Variants in MARK3 observed in about 807,000 individuals in gnomAD.
MARK3 encodes the protein MAP/microtubule affinity-regulating kinase 3.
MARK3 carries 46 observed loss-of-function variants against 90.1 expected under a neutral mutation model. The ratio of observed to expected loss-of-function variants is 0.51; its 90% CI spans 0.40 to 0.65. The LOEUF (loss-of-function observed/expected upper bound fraction) is 0.65. Among genes scored for constraint, MARK3 ranks in the 30% least tolerant of loss-of-function variants. MARK3 has a pLI of 0.00. For synonymous variants in MARK3, 321 were observed against 332.6 expected (o/e 0.97, Z 0.38); for missense variants, 818 against 947.2 (o/e 0.86, Z 1.79).
At chr14:103,493,475 G>A (rs2075130695) in intron 15 of MARK3, among the ~76,000 whole-genome samples, 1 of 151,960 alleles carries the variant, frequency 6.6e-6, no homozygotes, top group South Asian at 2.1e-4. Flanking sequence ...GGGCAAAACA[G>A]AATCAGCCAA....
chr14:103,413,402 A>T (rs986314421), intron 2 of MARK3, among the ~76,000 whole-genome samples: 1 of 149,964 alleles, frequency 6.7e-6, no homozygotes, highest in Non-Finnish European at 1.5e-5. Flanking sequence ...GTCGAAAATT[A>T]AGTTTATATT....
At chr14:103,427,497 C>CAAAAAAAAAAAAAAAAAAAAAAAAAAA (rs71126021) in intron 2 of MARK3, among the ~76,000 whole-genome samples, 2 of 110,816 alleles carry the variant, frequency 1.8e-5, no homozygotes, top group African/African-American at 6.6e-5. Context: ...GAGACTGTTT[C>CAAAAAAAAAAAAAAAAAAAAAAAAAAA]AAAAAAAAAA....
At chr14:103,464,289 CTTTTTTTTTT>C (rs143005949) in intron 7 of MARK3, among the ~76,000 whole-genome samples, 4 of 68,636 alleles carry the variant, frequency 5.8e-5, no homozygotes, top group South Asian at 7.6e-4. Flanking sequence ...TGATTTGTCT[CTTTTTTTTTT>C]TTTTTTTTTT....
chr14:103,466,372 A>AG lies in MARK3; in HGVS notation c.930dup (p.His311AlafsTer2). Reference sequence around the variant, plus strand: ...TCATGAAGGACAGGTGGATCAATGCAGGGCATGAAGAAGATGAACTCAAAC... The same window carrying AG: ...TCATGAAGGACAGGTGGATCAATGCAGGGGCATGAAGAAGATGAACTCAAAC... On this transcript the variant is annotated frameshift_variant, in exon 10 of 18. Coordinates refer to ENST00000429436, the MANE Select transcript of MARK3 (RefSeq NM_001128918.3). LOFTEE classifies it high-confidence loss of function. The AG allele has an allele frequency of 6.2e-7, 1 of 1,613,848 alleles. No homozygotes were observed. The highest frequency in any genetic ancestry group is 1.1e-5 in the South Asian group (1 of 91,074).
Position 103,503,553 on chromosome 14 carries a change from A to C in MARK3, c.*326A>C. The C allele has an allele frequency of 3.7e-6, 1 of 273,150 alleles. No individual in the cohort carries two copies. The highest frequency in any genetic ancestry group is 7.0e-6 in the Non-Finnish European group (1 of 142,904). The allele number at this position is 273,150 out of a possible 1,614,324, so 16.9% of individuals were successfully genotyped here. A position where few individuals can be genotyped will look rare whatever the true frequency, so the allele number is the denominator to read the frequency against. The stretch of plus-strand genomic sequence containing the variant: ...GTGGTGTATATGGAAGCATCTCCCT[A>C]CACTGGCAGCCAGTCATTACTAGTA... On this transcript the variant is annotated 3_prime_UTR_variant, in exon 18 of 18. Transcript: ENST00000429436.
rs1428739520 is a variant in MARK3 at position 103,502,922 on chromosome 14, G to A, written c.1957G>A (p.Ala653Thr). Residue 653 changes from alanine (A) to threonine (T), a missense_variant, in exon 18 of 18, where the codon GCA (alanine) becomes ACA (threonine). Ala to Thr is a moderately conservative substitution (Grantham distance 58). Transcript: ENST00000429436. The part of the protein sequence containing the change: ...SAEQKDENKE[A>T]KPRSLRFTWS... ...TGAGCAAAAAGATGAAAACAAAGAAGCAAAGCCTCGATCCCTACGCTTCAC... is the reference window on the plus strand; with the variant it reads ...TGAGCAAAAAGATGAAAACAAAGAAACAAAGCCTCGATCCCTACGCTTCAC... 2 of 1,613,722 alleles carry A rather than the reference G, an allele frequency of 1.2e-6. No homozygotes were observed. The highest frequency in any genetic ancestry group is 1.7e-5 in the Admixed American group (1 of 60,008).
chr14:103,467,238 GTT>G (rs2093524497), intron 11 of MARK3, 47 bp downstream of exon 11: 1 of 842,092 alleles, frequency 1.2e-6, no homozygotes, highest in Non-Finnish European at 1.9e-6. Context: ...GTAATTATTA[GTT>G]TATATAAACT....
Position 103,441,016 on chromosome 14 carries a change from A to T in MARK3, c.298-7903A>T, listed in dbSNP as rs189716132. Among the ~76,000 whole-genome samples, 664 of 150,378 alleles carry T rather than the reference A, an allele frequency of 4.4e-3. 3 individuals are homozygous for T. The highest frequency in any genetic ancestry group is 7.2e-3 in the Non-Finnish European group (489 of 67,706). On this transcript the variant is annotated intron_variant, in intron 3 of 17. Coordinates refer to ENST00000429436, the MANE Select transcript of MARK3 (RefSeq NM_001128918.3). ...TTCCTAATTACTGATGAGGTCATGC[A>T]TTTTTTCATATTTAGGTTTTTTGTT...
chr14:103,449,132 A>G (rs1263258441), intron 4 of MARK3, among the ~76,000 whole-genome samples, 165 bp downstream of exon 4: 1 of 151,996 alleles, frequency 6.6e-6, no homozygotes, highest in Non-Finnish European at 1.5e-5. Flanking sequence ...AAGACAGGTT[A>G]AAAGCTTAGG....
chr14:103,475,750 G>A (rs2093703301), intron 13 of MARK3, among the ~76,000 whole-genome samples: 1 of 152,048 alleles, frequency 6.6e-6, no homozygotes, highest in Admixed American at 6.6e-5. Context: ...TTCAAGACCA[G>A]CCTGGCCAAG....
intron 4 of MARK3, among the ~76,000 whole-genome samples, chr14:103,449,432 G>GTAA (rs967203233): frequency 6.9e-5 from 9 of 131,058 alleles, no homozygotes; most frequent in East Asian, 4.4e-4. Context: ...AAAAAAAAAA[G>GTAA]TAATAATAAT....
rs577993873 is a variant in MARK3 at position 103,500,318 on chromosome 14, G to C, written c.1916+118G>C. The C allele has an allele frequency of 4.4e-4, 330 of 755,214 alleles. 3 individuals carry two copies. The highest frequency in any genetic ancestry group is 2.7e-3 in the Middle Eastern group (7 of 2,630). The allele number at this position is 755,214 out of a possible 1,614,324, so 46.8% of individuals were successfully genotyped here. A position where few individuals can be genotyped will look rare whatever the true frequency, so the allele number is the denominator to read the frequency against. On this transcript the variant is annotated intron_variant, in intron 17 of 17. Transcript: ENST00000429436. ...TTCCTGCTGTCTCTGTAGGAGTTAC[G>C]TAGAGAGGGTGGCCACAAGGGGGCG... is the stretch of plus-strand genomic sequence containing the variant.
At chr14:103,387,683 G>C (rs912203025) in intron 1 of MARK3, among the ~76,000 whole-genome samples, 2 of 151,492 alleles carry the variant, frequency 1.3e-5, no homozygotes, top group African/African-American at 4.9e-5. Context: ...AGTAGAGACA[G>C]GGTTTCACCA....
chr14:103,396,658 G>A (rs2090600054), intron 1 of MARK3, among the ~76,000 whole-genome samples: 1 of 152,154 alleles, frequency 6.6e-6, no homozygotes, highest in Non-Finnish European at 1.5e-5. Context: ...TAGTAGAGTA[G>A]CGTTTCCCCT....
intron 3 of MARK3, among the ~76,000 whole-genome samples, chr14:103,436,383 A>G (rs143236533): frequency 1.8e-3 from 259 of 143,452 alleles, no homozygotes; most frequent in Non-Finnish European, 2.5e-3. Flanking sequence ...TCATTGAACA[A>G]CTCTTTTCAT....
At chr14:103,487,908 C>T (rs1344683301) in intron 14 of MARK3, among the ~76,000 whole-genome samples, 4 of 151,886 alleles carry the variant, frequency 2.6e-5, no homozygotes, top group African/African-American at 7.3e-5. Flanking sequence ...ATTAGCCGGG[C>T]GTGGTGGTGG....
At chr14:103,422,445 A>G (rs1159099791) in intron 2 of MARK3, among the ~76,000 whole-genome samples, 1 of 152,182 alleles carries the variant, frequency 6.6e-6, no homozygotes, top group Non-Finnish European at 1.5e-5. Context: ...ATAGAGCAAG[A>G]CTCCATTTCA....
chr14:103,465,796 A>T lies in MARK3; in HGVS notation c.777+3A>T. The T allele has an allele frequency of 6.2e-7, 1 of 1,610,666 alleles. No homozygotes were observed. Among genetic ancestry groups the T allele is most frequent in the Non-Finnish European group, 8.5e-7 (1 of 1,177,466 alleles). On this transcript the variant is annotated splice_donor_region_variant and intron_variant, in intron 8 of 17. Coordinates refer to ENST00000429436, the MANE Select transcript of MARK3 (RefSeq NM_001128918.3). ...CCTTTGATGGGCAAAACCTAAAGGT[A>T]TAAGAAGCTGCACCCATGTACTTCA...
At chr14:103,420,714 C>G (rs1275236495) in intron 2 of MARK3, among the ~76,000 whole-genome samples, 2 of 152,104 alleles carry the variant, frequency 1.3e-5, no homozygotes, top group Non-Finnish European at 2.9e-5. Context: ...TGCAAATTTA[C>G]CTGTTCGAAA....
Sources: gnomAD v4.1 joint callset for allele counts (sites outside exome capture counted in the v4.1 genomes callset) on GRCh38, gnomAD v4.1.1 for gene constraint, MANE v1.5 for transcripts, NCBI Gene and HGNC (gene_info 2026-07-23, HGNC 2026-07-21) for gene names.